Variants in MTMR2 observed in about 807,000 individuals in gnomAD.
The protein encoded by MTMR2 is phosphatidylinositol-3,5-bisphosphate 3-phosphatase MTMR2.
MTMR2 carries 55 observed loss-of-function variants against 86.9 expected under a neutral mutation model. The ratio of observed to expected loss-of-function variants is 0.63; its 90% CI spans 0.51 to 0.79. The LOEUF is 0.79. MTMR2 is among the 30% of genes least tolerant of loss of function. The probability of loss-of-function intolerance (pLI) is 0.00; values close to 1 mark genes in which losing one functional copy is unlikely to be tolerated. For missense variants in MTMR2, 659 were observed against 772.3 expected (o/e 0.85, Z 1.74); for synonymous variants, 241 against 266.8 (o/e 0.90, Z 0.94).
intron 1 of MTMR2, chr11:95,913,041 C>T (rs980567156): frequency 6.6e-6 from 1 of 151,996 alleles, no homozygotes; most frequent in African/African-American, 2.4e-5. Context: ...TTTTTCTTTC[C>T]TTCACCAAGT....
At chr11:95,862,584 G>A (rs979616443) in intron 3 of MTMR2, among the ~76,000 whole-genome samples, 2 of 152,176 alleles carry the variant, frequency 1.3e-5, no homozygotes, top group Non-Finnish European at 2.9e-5. Context: ...TGAAAAGGTG[G>A]AGGGACTTCT....
At chr11:95,857,506 G>A in intron 7 of MTMR2, 46 bp downstream of exon 7, 1 of 1,404,134 alleles carries the variant, frequency 7.1e-7, no homozygotes, top group African/African-American at 1.4e-5. Context: ...TCTTTGGAAT[G>A]AAAAGAATAC....
At chr11:95,846,419 T>C (rs774687845) in intron 10 of MTMR2, among the ~76,000 whole-genome samples, 7 of 152,246 alleles carry the variant, frequency 4.6e-5, no homozygotes, top group African/African-American at 1.7e-4. Flanking sequence ...CAAGGAAATA[T>C]ACAGTATACC....
intron 1 of MTMR2, among the ~76,000 whole-genome samples, chr11:95,909,816 A>G (rs1345259815): frequency 6.6e-6 from 1 of 152,150 alleles, no homozygotes; most frequent in Non-Finnish European, 1.5e-5. Flanking sequence ...GAAAGTACTT[A>G]GTGTTAAGTA....
chr11:95,860,020 A>T (rs918633681), intron 5 of MTMR2, among the ~76,000 whole-genome samples: 4 of 152,222 alleles, frequency 2.6e-5, no homozygotes, highest in African/African-American at 9.6e-5. Context: ...ATTTTTGTTT[A>T]TTGATAACGA....
At chr11:95,920,648 TAC>T (rs1866886422) in intron 1 of MTMR2, among the ~76,000 whole-genome samples, 1 of 151,956 alleles carries the variant, frequency 6.6e-6, no homozygotes, top group Non-Finnish European at 1.5e-5. Flanking sequence ...CTGAAATGAC[TAC>T]AGATACTTAG....
chr11:95,853,053 A>G (rs1864081619), intron 7 of MTMR2, among the ~76,000 whole-genome samples: 1 of 149,406 alleles, frequency 6.7e-6, no homozygotes, highest in Non-Finnish European at 1.5e-5. Flanking sequence ...TAATATATAT[A>G]TATATACACA....
intron 7 of MTMR2, among the ~76,000 whole-genome samples, chr11:95,852,487 A>G (rs1413615758): frequency 6.6e-6 from 1 of 152,172 alleles, no homozygotes; most frequent in Non-Finnish European, 1.5e-5. Flanking sequence ...AACACTCTCA[A>G]TAGCGCTTCT....
At chr11:95,861,923 A>G (rs1409522032) in intron 5 of MTMR2, 69 bp downstream of exon 5, 2 of 1,145,588 alleles carry the variant, frequency 1.7e-6, no homozygotes, top group African/African-American at 1.6e-5. Flanking sequence ...ACCAATTTCA[A>G]AACAGAGGTT....
Position 95,862,381 on chromosome 11 carries a change from A to G in MTMR2, c.263-15T>C. ...TACATCTTTGGCTGAAAAAGCAAGA[A>G]GTCCACAGTTTACTATACATTATGT... On this transcript the variant is annotated splice_polypyrimidine_tract_variant and intron_variant, in intron 3 of 14. Transcript: ENST00000346299. The G allele has an allele frequency of 6.4e-7, 1 of 1,570,384 alleles. No homozygotes were observed. The highest frequency in any genetic ancestry group is 8.7e-7 in the Non-Finnish European group (1 of 1,143,152).
chr11:95,888,585 T>G (rs188008121), intron 1 of MTMR2, among the ~76,000 whole-genome samples: 1 of 152,244 alleles, frequency 6.6e-6, no homozygotes, highest in African/African-American at 2.4e-5. Flanking sequence ...ACAAAACCAC[T>G]ACACCAGGCA....
rs61735577 is a variant in MTMR2 at position 95,836,162 on chromosome 11, G to A, written c.1756C>T (p.Arg586Trp). 6 of 1,612,550 alleles carry A rather than the reference G, an allele frequency of 3.7e-6. No homozygotes were observed. The highest frequency in any genetic ancestry group is 4.5e-5 in the East Asian group (2 of 44,846). The change falls in exon 14 of 15, where the codon CGG (arginine) becomes TGG (tryptophan). Residue 586 changes from arginine (R) to tryptophan (W), a missense_variant. Arg to Trp is a moderately radical substitution (Grantham distance 101). Around this residue, in one of 3 missense-constraint regions of MTMR2, gnomAD observed 193 missense variants for 191.6 expected, o/e 1.01. Coordinates refer to ENST00000346299, the MANE Select transcript of MTMR2 (RefSeq NM_016156.6). ...AAGGCACATACCTGTGGTTTCATCC[G>A]TGGATTCCACCTTATGTAATATCCC... Reference protein sequence around the residue: ...WVGYYIRWNPRMKPQEPIHNR... With the variant: ...WVGYYIRWNPWMKPQEPIHNR...
At chr11:95,847,655 C>G in intron 10 of MTMR2, 59 bp downstream of exon 10, 1 of 1,450,092 alleles carries the variant, frequency 6.9e-7, no homozygotes, top group African/African-American at 1.4e-5. Flanking sequence ...AAGTAAAAAG[C>G]TAATATAAAC....
At chr11:95,868,187 C>T (rs1293129539) in intron 2 of MTMR2, among the ~76,000 whole-genome samples, 1 of 140,662 alleles carries the variant, frequency 7.1e-6, no homozygotes, top group African/African-American at 2.6e-5. Flanking sequence ...GAGAGGACTA[C>T]CTTGAGCCCC....
chr11:95,835,360 C>T lies in MTMR2; in HGVS notation c.1862G>A (p.Arg621Gln), dbSNP rs371925152. 3.1e-4 allele frequency: 493 copies of T among 1,613,072 alleles called. 2 individuals carry two copies. The South Asian group carries it at 4.9e-3, about 16-fold the overall frequency. ...VEELQREISNRSTSSSERASS... is the reference protein window; with the variant it reads ...VEELQREISNQSTSSSERASS... ...GGCTCTCTCTGAGGATGAGGTTGATCGGTTAGAAATCTCTCTCTGTAGTTC... is the reference window on the plus strand; with the variant it reads ...GGCTCTCTCTGAGGATGAGGTTGATTGGTTAGAAATCTCTCTCTGTAGTTC... The change falls in exon 15 of 15, where the codon CGA becomes CAA. Residue 621 changes from arginine (R) to glutamine (Q), a missense_variant. Physicochemically the swap from Arg to Gln is conservative, Grantham distance 43 (BLOSUM62 1). Transcript: ENST00000346299.
rs1368336638 is a variant in MTMR2, at chr11:95,841,724, G to A, written c.1387-15C>T. On this transcript the variant is annotated splice_polypyrimidine_tract_variant and intron_variant, in intron 11 of 14. Coordinates refer to ENST00000346299, the MANE Select transcript of MTMR2 (RefSeq NM_016156.6). ...TGGCCAACTCTCTGAAGCAAAAAGA[G>A]TGAAATATATGAACTTAGGGGGATT... The A allele has an allele frequency of 3.2e-6, 5 of 1,571,546 alleles. No homozygotes were observed. The South Asian group carries it at 4.4e-5, about 14-fold the overall frequency.
chr11:95,911,735 T>C (rs1866512350), intron 1 of MTMR2, among the ~76,000 whole-genome samples: 1 of 152,076 alleles, frequency 6.6e-6, no homozygotes, highest in Non-Finnish European at 1.5e-5. Context: ...AACCCTTCCA[T>C]CCCAAACTAA....
At chr11:95,848,570 T>TA (rs1388625950) in intron 9 of MTMR2, among the ~76,000 whole-genome samples, 1 of 152,216 alleles carries the variant, frequency 6.6e-6, no homozygotes, top group African/African-American at 2.4e-5. Context: ...TTTCTGGACT[T>TA]AATCTTTTTA....
chr11:95,868,394 G>A (rs556504585), intron 2 of MTMR2, among the ~76,000 whole-genome samples: 1 of 151,066 alleles, frequency 6.6e-6, no homozygotes. Flanking sequence ...GAATGAGAAT[G>A]ACTGCAAGGA....
Sources: allele counts gnomAD v4.1 joint callset (sites outside exome capture counted in the v4.1 genomes callset), GRCh38; gene constraint gnomAD v4.1.1; regional missense constraint gnomAD v4.1.1; transcripts MANE v1.5; gene names NCBI Gene and HGNC (gene_info 2026-07-23, HGNC 2026-07-21).